Variants in DCBLD1 observed in about 807,000 individuals in gnomAD.
DCBLD1 encodes discoidin, CUB and LCCL domain-containing protein 1.
In DCBLD1, 57 loss-of-function variants were observed where a neutral mutation model predicts 71.5. The ratio of observed to expected loss-of-function variants is 0.80; its 90% CI spans 0.64 to 0.99. The LOEUF is 0.99. Ranked by LOEUF, DCBLD1 falls within the 50% of genes least tolerant of loss-of-function variation. The pLI, the probability that DCBLD1 is intolerant of heterozygous loss-of-function variation, is 0.00. For missense variants in DCBLD1, 891 were observed against 923.5 expected (o/e 0.96, Z 0.46); for synonymous variants, 380 against 363.8 (o/e 1.04, Z -0.51).
intron 4 of DCBLD1, among the ~76,000 whole-genome samples, chr6:117,525,004 C>G (rs1417820368): frequency 6.6e-6 from 1 of 152,006 alleles, no homozygotes; most frequent in Non-Finnish European, 1.5e-5. Context: ...AAAATTGTTA[C>G]ATATTTTAAA....
At chr6:117,528,598 C>T (rs2114513092) in intron 5 of DCBLD1, among the ~76,000 whole-genome samples, 1 of 152,270 alleles carries the variant, frequency 6.6e-6, no homozygotes, top group South Asian at 2.1e-4. Context: ...TCTGTTTGGC[C>T]ATCATTTATG....
intron 14 of DCBLD1, chr6:117,561,475 C>A: frequency 4.6e-6 from 1 of 219,744 alleles, no homozygotes; most frequent in East Asian, 6.6e-5. Context: ...CTACAATGGA[C>A]AATTTTTTTG....
chr6:117,519,954 T>C lies in DCBLD1; in HGVS notation c.460+4T>C. ...TATGCGAGCAGCGACCATCCAGGTATAACGGAAGAATCAACACAAATCTCT... is the reference window on the plus strand; with the variant it reads ...TATGCGAGCAGCGACCATCCAGGTACAACGGAAGAATCAACACAAATCTCT... On this transcript the variant is annotated splice_donor_region_variant and intron_variant, in intron 3 of 14. Coordinates refer to ENST00000338728, the MANE Select transcript of DCBLD1 (RefSeq NM_001366458.2). 1 of 1,613,594 alleles carries C rather than the reference T, an allele frequency of 6.2e-7. No homozygotes were observed. Among genetic ancestry groups the C allele is most frequent in the Non-Finnish European group, 8.5e-7 (1 of 1,179,574 alleles).
intron 1 of DCBLD1, among the ~76,000 whole-genome samples, chr6:117,498,469 C>G (rs1777538964): frequency 1.3e-5 from 2 of 152,132 alleles, no homozygotes; most frequent in African/African-American, 4.8e-5. Context: ...GTCAAATTCC[C>G]TGTGGCAAAA....
intron 14 of DCBLD1, among the ~76,000 whole-genome samples, chr6:117,547,076 C>A (rs989496392): frequency 2.0e-5 from 3 of 152,174 alleles, no homozygotes; most frequent in Non-Finnish European, 4.4e-5. Flanking sequence ...CTTCTATGTG[C>A]ATTTCTCTTT....
intron 2 of DCBLD1, among the ~76,000 whole-genome samples, chr6:117,516,596 T>C (rs576014476): frequency 3.9e-5 from 6 of 152,122 alleles, no homozygotes; most frequent in Non-Finnish European, 8.8e-5. Flanking sequence ...GGGCAATGCT[T>C]AGTTGGGTCA....
chr6:117,488,342 G>A (rs1261895146), intron 1 of DCBLD1, among the ~76,000 whole-genome samples: 1 of 152,192 alleles, frequency 6.6e-6, no homozygotes, highest in Non-Finnish European at 1.5e-5. Flanking sequence ...ACACTGTGCA[G>A]GTATTTAAGA....
intron 4 of DCBLD1, among the ~76,000 whole-genome samples, chr6:117,524,552 A>G (rs1346729080): frequency 6.6e-6 from 1 of 152,042 alleles, no homozygotes; most frequent in East Asian, 1.9e-4. Context: ...TTGCAAAAGT[A>G]TTTCATAACT....
chr6:117,569,430 C>G, intron 14 of DCBLD1: 1 of 1,145,022 alleles, frequency 8.7e-7, no homozygotes, highest in Non-Finnish European at 1.2e-6. Flanking sequence ...TGAATGTCAG[C>G]TATAAAAGCA....
chr6:117,537,997 T>C (rs1429644880), intron 7 of DCBLD1, among the ~76,000 whole-genome samples: 1 of 152,230 alleles, frequency 6.6e-6, no homozygotes, highest in Non-Finnish European at 1.5e-5. Context: ...AAAATGAGTA[T>C]ATAAAATAAA....
At chr6:117,534,527 A>G (rs1284501255) in intron 6 of DCBLD1, among the ~76,000 whole-genome samples, 1 of 152,208 alleles carries the variant, frequency 6.6e-6, no homozygotes, top group Non-Finnish European at 1.5e-5. Flanking sequence ...AACAGGGACA[A>G]AGAACTTCCC....
In DCBLD1 at chr6:117,548,230, G is replaced by C. The variant is rs771490256; in HGVS notation, c.1939G>C (p.Ala647Pro). The C allele has an allele frequency of 6.4e-7, 1 of 1,550,450 alleles. No homozygotes were observed. The highest frequency in any genetic ancestry group is 8.7e-7 in the Non-Finnish European group (1 of 1,146,990). The part of the protein sequence containing the change: ...GGFSPVAGVG[A>P]QDGDYQRPHS... ...CTTCTCCCCCGTAGCGGGTGTGGGC[G>C]CCCAGGACGGAGACTATCAAAGGCC... The change falls in exon 15 of 15, where the codon GCC (alanine) becomes CCC (proline). Residue 647 changes from alanine to proline, a missense_variant. Transcript: ENST00000338728.
intron 1 of DCBLD1, among the ~76,000 whole-genome samples, chr6:117,491,331 C>T (rs948307753): frequency 2.0e-5 from 3 of 152,060 alleles, no homozygotes; most frequent in Non-Finnish European, 4.4e-5. Context: ...GCCCCCATTC[C>T]GCCCACCATT....
chr6:117,505,931 T>C (rs1362632209), intron 2 of DCBLD1, among the ~76,000 whole-genome samples: 1 of 152,174 alleles, frequency 6.6e-6, no homozygotes, highest in Non-Finnish European at 1.5e-5. Context: ...CTTTCAAGCT[T>C]AGATGCATCA....
chr6:117,532,691 C>G (rs917490555), intron 6 of DCBLD1, among the ~76,000 whole-genome samples: 4 of 152,146 alleles, frequency 2.6e-5, no homozygotes, highest in Non-Finnish European at 5.9e-5. Flanking sequence ...AAGGCTTAAT[C>G]CTTTTTGGGT....
intron 1 of DCBLD1, among the ~76,000 whole-genome samples, chr6:117,489,748 G>A (rs1056393262): frequency 3.9e-5 from 6 of 152,150 alleles, no homozygotes; most frequent in Non-Finnish European, 2.9e-5. Context: ...AGCCGGGCGT[G>A]GTGGCGGGTG....
chr6:117,537,497 GC>G (rs1778928474), intron 7 of DCBLD1, among the ~76,000 whole-genome samples: 1 of 149,100 alleles, frequency 6.7e-6, no homozygotes, highest in Non-Finnish European at 1.5e-5. Context: ...TTGCGCCACT[GC>G]ACTCCAGCCT....
At chr6:117,484,169 T>C (rs1032097272) in intron 1 of DCBLD1, among the ~76,000 whole-genome samples, 3 of 152,200 alleles carry the variant, frequency 2.0e-5, no homozygotes, top group African/African-American at 7.2e-5. Flanking sequence ...TTTAATACTA[T>C]ACGTCTGTGA....
chr6:117,529,302 T>TACTTTAAAA (rs374626567), intron 5 of DCBLD1, among the ~76,000 whole-genome samples: 46,458 of 151,818 alleles, frequency 0.31, 8,142 homozygotes, highest in African/African-American at 0.49. Flanking sequence ...GGACAGAAAG[T>TACTTTAAAA]ATTTAAGTAC....
Sources: allele counts gnomAD v4.1 joint callset (sites outside exome capture counted in the v4.1 genomes callset), GRCh38; gene constraint gnomAD v4.1.1; transcripts MANE v1.5; gene names NCBI Gene and HGNC (gene_info 2026-07-23, HGNC 2026-07-21).